Variants in CFAP20DC observed in about 807,000 individuals in gnomAD.
The protein encoded by CFAP20DC is protein CFAP20DC.
Under a neutral mutation model 101.7 loss-of-function variants are expected in CFAP20DC, and 84 were observed. The ratio of observed to expected loss-of-function variants is 0.83; its 90% confidence interval spans 0.69 to 0.99. The LOEUF (loss-of-function observed/expected upper bound fraction) is 0.99. Ranked by LOEUF, CFAP20DC falls within the 50% of genes least tolerant of loss-of-function variation. CFAP20DC has a pLI of 0.00. For missense variants in CFAP20DC, 1,007 were observed against 970.3 expected, an observed-to-expected ratio of 1.04 and a Z score of -0.50; for synonymous variants, 359 against 351.2, an observed-to-expected ratio of 1.02 and a Z score of -0.25.
At position 58,788,031 on chromosome 3, in the gene CFAP20DC, A is replaced by T. The variant is rs972242265; in HGVS notation, c.2237+18364T>A. ...AGGGATAGCATTAGGAGAAACACCTAATGTAGATGATGGGTTGATAGGTGC... is the reference window on the plus strand; with the variant it reads ...AGGGATAGCATTAGGAGAAACACCTTATGTAGATGATGGGTTGATAGGTGC... On this transcript the variant is annotated intron_variant, in intron 15 of 16. Transcript: ENST00000482387. The surrounding 1 kb of genome is among the most constrained non-coding windows in gnomAD (Gnocchi z 4.2). 1.3e-5 allele frequency among the ~76,000 whole-genome samples: 2 copies of T among 152,006 alleles called. No individual in the cohort carries two copies. Among genetic ancestry groups the T allele is most frequent in the Admixed American group, 1.3e-4 (2 of 15,258 alleles).
chr3:58,753,791 G>A lies in CFAP20DC; in HGVS notation c.2310C>T (p.Ser770=). ...CACCTTGAACACTCAAACTTTCACA[G>A]GAATCTGGACGCTGCTCAGCCGGCT... is the stretch of plus-strand genomic sequence containing the variant. ...SQQPAEQRPD[S]CESLSVQGEE... Residue 770 remains serine (S), a synonymous_variant, in exon 16 of 17, where the codon TCC becomes TCT. Transcript: ENST00000482387. 6.2e-7 allele frequency: 1 copy of A among 1,612,326 alleles called. No homozygotes were observed. The highest frequency in any genetic ancestry group is 1.1e-5 in the South Asian group (1 of 90,802).
At chr3:59,043,441 T>A (rs546850414) in intron 3 of CFAP20DC, among the ~76,000 whole-genome samples, 47 of 151,858 alleles carry the variant, frequency 3.1e-4, no homozygotes, top group African/African-American at 9.9e-4. Flanking sequence ...TTCAGGAAAA[T>A]AGAGGCAGAT....
chr3:58,836,047 G>C (rs905225322), intron 13 of CFAP20DC, among the ~76,000 whole-genome samples: 2 of 152,142 alleles, frequency 1.3e-5, no homozygotes, highest in African/African-American at 4.8e-5. Context: ...GTACAATTCA[G>C]CTGTGCTCAG....
intron 4 of CFAP20DC, among the ~76,000 whole-genome samples, chr3:59,024,916 T>C (rs2093866913): frequency 6.6e-6 from 1 of 152,196 alleles, no homozygotes; most frequent in Admixed American, 6.5e-5. Flanking sequence ...TACTTGGCAC[T>C]GCCATATCAA....
rs150137101 is a variant in CFAP20DC, at chr3:58,773,877, T to C, written c.2238-20014A>G. The stretch of plus-strand genomic sequence containing the variant: ...GGCAAAGCTAGAAGATGCTCTACAA[T>C]AGAGGGGCAGCCTAGCTAAAATCTC... On this transcript the variant is annotated intron_variant, in intron 15 of 16. Coordinates refer to ENST00000482387, the MANE Select transcript of CFAP20DC (RefSeq NM_001394063.1). 1.3e-3 allele frequency among the ~76,000 whole-genome samples: 191 copies of C among 152,320 alleles called. 1 individual carries two copies. Among genetic ancestry groups the C allele is most frequent in the Non-Finnish European group, 1.6e-3 (112 of 68,028 alleles).
chr3:59,047,061 AAG>A, intron 2 of CFAP20DC, 102 bp downstream of exon 2: 1 of 734,644 alleles, frequency 1.4e-6, no homozygotes, highest in Non-Finnish European at 2.2e-6. Context: ...TTTGGAGTGA[AAG>A]AACAGGAAAA....
chr3:58,987,559 C>T (rs2092792726), intron 4 of CFAP20DC, among the ~76,000 whole-genome samples: 1 of 151,822 alleles, frequency 6.6e-6, no homozygotes, highest in Non-Finnish European at 1.5e-5. Flanking sequence ...CAATGAAATG[C>T]AAAACCTCTG....
intron 4 of CFAP20DC, among the ~76,000 whole-genome samples, chr3:59,024,907 A>C (rs1385955071): frequency 1.3e-5 from 2 of 152,312 alleles, no homozygotes; most frequent in South Asian, 2.1e-4. Flanking sequence ...AAACATATCT[A>C]CTTGGCACTG....
rs1391511878 is a variant in CFAP20DC, at chr3:58,869,394, G to A, written c.949C>T (p.Pro317Ser). The A allele has an allele frequency of 6.2e-7, 1 of 1,613,412 alleles. No individual in the cohort carries two copies. The highest frequency in any genetic ancestry group is 8.5e-7 in the Non-Finnish European group (1 of 1,179,494). ...TTATTTCCTTGTTCCTCAGACTCAGGTATCAGCAAGGCTGACATTTCTGTA... is the reference window on the plus strand; with the variant it reads ...TTATTTCCTTGTTCCTCAGACTCAGATATCAGCAAGGCTGACATTTCTGTA... Reference protein sequence around the residue: ...NGTEMSALLIPESEEQGNKEN... With the variant: ...NGTEMSALLISESEEQGNKEN... The change falls in exon 9 of 17, where the codon CCT becomes TCT. Residue 317 changes from proline to serine, a missense_variant. Physicochemically the swap from Pro to Ser is moderately conservative, Grantham distance 74 (BLOSUM62 -1). Transcript: ENST00000482387. This position sits in a 1 kb window ranked among gnomAD's most constrained non-coding sequence, Gnocchi z 4.3.
At position 58,928,681 on chromosome 3, in the gene CFAP20DC, G is replaced by A. The variant is rs200286176; in HGVS notation, c.393+8967C>T. Among the ~76,000 whole-genome samples the A allele has an allele frequency of 2.2e-4, 34 of 152,258 alleles. No homozygotes were observed. In the East Asian group the frequency reaches 6.4e-3, roughly 28 times the overall value. The stretch of plus-strand genomic sequence containing the variant: ...TGATGATCTCACTGCATTGGCATAT[G>A]GGCCTGAGGAGAACACTACGGAAAC... On this transcript the variant is annotated intron_variant, in intron 5 of 16. Transcript: ENST00000482387.
At chr3:58,949,668 A>G (rs1190976717) in intron 4 of CFAP20DC, among the ~76,000 whole-genome samples, 2 of 152,200 alleles carry the variant, frequency 1.3e-5, no homozygotes, top group East Asian at 3.9e-4. Flanking sequence ...GACAAAAACC[A>G]TATGATTATC....
At chr3:58,819,049 C>G (rs1334221827) in intron 14 of CFAP20DC, among the ~76,000 whole-genome samples, 3 of 150,412 alleles carry the variant, frequency 2.0e-5, no homozygotes, top group Non-Finnish European at 3.0e-5. Context: ...CTACTGGGTA[C>G]ATAACGAAAT....
intron 4 of CFAP20DC, among the ~76,000 whole-genome samples, chr3:58,999,876 CAG>C (rs947893082): frequency 1.6e-4 from 22 of 140,410 alleles, no homozygotes; most frequent in African/African-American, 5.9e-4. Flanking sequence ...AAGAACCTGA[CAG>C]AGCACGGGAA....
intron 4 of CFAP20DC, among the ~76,000 whole-genome samples, chr3:58,987,538 T>C (rs548473374): frequency 2.8e-4 from 42 of 152,100 alleles, no homozygotes; most frequent in African/African-American, 9.9e-4. Context: ...AATATGATTC[T>C]TTGAACAGAC....
intron 4 of CFAP20DC, among the ~76,000 whole-genome samples, chr3:58,994,709 C>T (rs1048474681): frequency 2.0e-5 from 3 of 151,666 alleles, no homozygotes; most frequent in African/African-American, 7.3e-5. Context: ...GAAATGTTAG[C>T]TTTTAAAATG....
chr3:58,770,909 C>A (rs558416985), intron 15 of CFAP20DC, among the ~76,000 whole-genome samples: 152 of 152,224 alleles, frequency 1.0e-3, no homozygotes, highest in African/African-American at 3.4e-3. Context: ...GAATTTAGTA[C>A]ATAGGTGTTT....
chr3:58,954,144 C>T (rs1016861271), intron 4 of CFAP20DC, among the ~76,000 whole-genome samples: 2 of 152,160 alleles, frequency 1.3e-5, no homozygotes, highest in Non-Finnish European at 2.9e-5. Context: ...CTTTTCAATT[C>T]AATTTTCAAT....
At chr3:58,761,471 C>G (rs1359356910) in intron 15 of CFAP20DC, among the ~76,000 whole-genome samples, 1 of 152,082 alleles carries the variant, frequency 6.6e-6, no homozygotes. Context: ...TTTTGTTGAT[C>G]TTCTCAAAAA....
intron 4 of CFAP20DC, among the ~76,000 whole-genome samples, chr3:58,982,099 A>G (rs1053989856): frequency 3.9e-5 from 6 of 152,250 alleles, no homozygotes; most frequent in African/African-American, 1.4e-4. Context: ...CAAAAGACAC[A>G]TGAAAAAATG....
Sources: allele counts gnomAD v4.1 joint callset (sites outside exome capture counted in the v4.1 genomes callset), GRCh38; gene constraint gnomAD v4.1.1; non-coding constraint Gnocchi (gnomAD v3.1); transcripts MANE v1.5; gene names NCBI Gene and HGNC (gene_info 2026-07-23, HGNC 2026-07-21).